Variants in ZNF420 observed in about 807,000 individuals in gnomAD.
The protein encoded by ZNF420 is ATM and p53-associated KZNF protein.
ZNF420 carries 31 observed loss-of-function variants against 44.7 expected under a neutral mutation model. That is an observed-to-expected ratio of 0.69 (90% CI 0.52 to 0.94). The LOEUF (loss-of-function observed/expected upper bound fraction) is 0.94. Among genes scored for constraint, ZNF420 ranks in the 40% least tolerant of loss-of-function variants. The probability of loss-of-function intolerance (pLI) is 0.00; values close to 1 mark genes in which losing one functional copy is unlikely to be tolerated. For synonymous variants in ZNF420, 245 were observed against 267.4 expected, an observed-to-expected ratio of 0.92 and a Z score of 0.82; for missense variants, 681 against 827.9, an observed-to-expected ratio of 0.82 and a Z score of 2.18.
intron 1 of ZNF420, among the ~76,000 whole-genome samples, chr19:37,050,748 C>T (rs191442762): frequency 1.4e-4 from 21 of 152,268 alleles, no homozygotes; most frequent in African/African-American, 3.6e-4. Context: ...CTTCCAACAC[C>T]ATGTTGAATA....
chr19:37,119,493 G>C (rs1280426330), intron 4 of ZNF420, among the ~76,000 whole-genome samples: 1 of 152,150 alleles, frequency 6.6e-6, no homozygotes, highest in African/African-American at 2.4e-5. Flanking sequence ...GAAATATATA[G>C]CACTAAGTGT....
intron 1 of ZNF420, among the ~76,000 whole-genome samples, chr19:37,009,084 G>A (rs1268049575): frequency 6.6e-6 from 1 of 152,184 alleles, no homozygotes; most frequent in African/African-American, 2.4e-5. Flanking sequence ...TTGGCTTCAA[G>A]AGAGGCGGTG....
intron 4 of ZNF420, among the ~76,000 whole-genome samples, chr19:37,111,068 T>A (rs1970363675): frequency 6.6e-6 from 1 of 152,196 alleles, no homozygotes; most frequent in South Asian, 2.1e-4. Flanking sequence ...TTAATGTAGC[T>A]ATTTGAGCCA....
intron 1 of ZNF420, among the ~76,000 whole-genome samples, chr19:37,072,929 AC>A (rs1055871106): frequency 2.6e-5 from 4 of 152,266 alleles, no homozygotes; most frequent in African/African-American, 7.2e-5. Flanking sequence ...CATGAAAAAA[AC>A]AGATTACAAA....
At position 37,039,922 on chromosome 19, in the gene ZNF420, G is replaced by T. The variant is rs369167300; in HGVS notation, c.-125+31840G>T. Among the ~76,000 whole-genome samples, 12 of 151,978 alleles carry T rather than the reference G, an allele frequency of 7.9e-5. No individual in the cohort carries two copies. In the East Asian group the frequency reaches 1.4e-3, roughly 17 times the overall value. ...TGTTGTTGTTGTTTGTAGAGACAGGGTTTCACCATGTTGCCCAGGCTGGTC... is the reference window on the plus strand; with the variant it reads ...TGTTGTTGTTGTTTGTAGAGACAGGTTTTCACCATGTTGCCCAGGCTGGTC... On this transcript the variant is annotated intron_variant, in intron 1 of 4. Coordinates refer to the ZNF420 transcript ENST00000587029.
At chr19:37,069,997 C>T (rs142008171) in intron 1 of ZNF420, among the ~76,000 whole-genome samples, 1 of 152,088 alleles carries the variant, frequency 6.6e-6, no homozygotes, top group Non-Finnish European at 1.5e-5. Context: ...TTAATAAAGT[C>T]TCAAATAGAT....
chr19:37,030,625 C>G (rs1427290250), intron 1 of ZNF420, among the ~76,000 whole-genome samples: 1 of 152,206 alleles, frequency 6.6e-6, no homozygotes, highest in Non-Finnish European at 1.5e-5. Context: ...GGGCTGAACA[C>G]AGAAGTTATT....
intron 2 of ZNF420, among the ~76,000 whole-genome samples, chr19:37,081,688 G>C (rs1020512986): frequency 1.4e-5 from 2 of 144,804 alleles, no homozygotes; most frequent in African/African-American, 5.1e-5. Context: ...ACCATGCCCA[G>C]CTAATTTTTG....
chr19:37,018,744 A>G (rs1315022648), intron 1 of ZNF420, among the ~76,000 whole-genome samples: 1 of 151,900 alleles, frequency 6.6e-6, no homozygotes, highest in Non-Finnish European at 1.5e-5. Context: ...ATTTTTTTAT[A>G]TTTTTAGTAG....
At position 37,129,240 on chromosome 19, in the gene ZNF420, A is replaced by C; in HGVS notation, c.*182A>C. On this transcript the variant is annotated 3_prime_UTR_variant, in exon 5 of 5. Coordinates refer to ENST00000337995, the MANE Select transcript of ZNF420 (RefSeq NM_144689.5). ...CATCATTACTGGAAACCTATTAAAC[A>C]TTAGCAAATTGGAGAATAGTTTTAA... 1.4e-6 allele frequency: 1 copy of C among 705,520 alleles called. No homozygotes were observed. Among genetic ancestry groups the C allele is most frequent in the Non-Finnish European group, 2.3e-6 (1 of 439,184 alleles). 43.7% of individuals were successfully genotyped at this position (705,520 alleles called of 1,614,324 possible).
intron 4 of ZNF420, among the ~76,000 whole-genome samples, chr19:37,112,518 T>C (rs552109466): frequency 1.3e-5 from 2 of 152,218 alleles, no homozygotes; most frequent in East Asian, 3.9e-4. Flanking sequence ...GGCCACCGAT[T>C]GAAAGCAATG....
chr19:37,047,607 C>T (rs1302660730), intron 1 of ZNF420, among the ~76,000 whole-genome samples: 12 of 152,214 alleles, frequency 7.9e-5, no homozygotes, highest in Non-Finnish European at 1.3e-4. Context: ...TCTTTGTTGC[C>T]TGTCTAGCAG....
At chr19:37,051,644 A>G (rs1288768359) in intron 1 of ZNF420, among the ~76,000 whole-genome samples, 1 of 151,858 alleles carries the variant, frequency 6.6e-6, no homozygotes, top group African/African-American at 2.4e-5. Flanking sequence ...CAGTCTATCA[A>G]TTTTGTTGAT....
intron 3 of ZNF420, among the ~76,000 whole-genome samples, chr19:37,090,311 A>G (rs1027105974): frequency 4.6e-5 from 7 of 151,406 alleles, no homozygotes; most frequent in African/African-American, 1.7e-4. Context: ...CCTGGGCAAC[A>G]TAACAAGACC....
At chr19:37,087,701 A>G (rs1310800994) in intron 2 of ZNF420, among the ~76,000 whole-genome samples, 1 of 152,176 alleles carries the variant, frequency 6.6e-6, no homozygotes, top group Non-Finnish European at 1.5e-5. Flanking sequence ...GCTGGAGTGC[A>G]GTGGCGCGAT....
At chr19:37,073,694 G>A (rs898546151), upstream of ZNF420, among the ~76,000 whole-genome samples, 20 of 147,522 alleles carry the variant, frequency 1.4e-4, no homozygotes, top group African/African-American at 4.8e-4. Context: ...GAGCCGAGCC[G>A]AGATCATGCC....
intron 2 of ZNF420, among the ~76,000 whole-genome samples, chr19:37,087,292 AATAAAT>A (rs1242829529): frequency 2.9e-4 from 21 of 73,512 alleles, no homozygotes; most frequent in African/African-American, 1.2e-3. Flanking sequence ...CAAAAAAAAA[AATAAAT>A]AAATAAATAA....
intron 1 of ZNF420, among the ~76,000 whole-genome samples, chr19:37,037,657 G>A (rs1361247029): frequency 3.9e-5 from 6 of 152,168 alleles, no homozygotes; most frequent in Non-Finnish European, 7.3e-5. Flanking sequence ...AAGACTTTCC[G>A]GAGACTCTCA....
intron 1 of ZNF420, among the ~76,000 whole-genome samples, chr19:37,017,441 A>G (rs2074616061): frequency 6.6e-6 from 1 of 152,216 alleles, no homozygotes; most frequent in Non-Finnish European, 1.5e-5. Context: ...CATACATACA[A>G]TCCTTTTGTA....
Sources: allele counts gnomAD v4.1 joint callset (sites outside exome capture counted in the v4.1 genomes callset), GRCh38; gene constraint gnomAD v4.1.1; transcripts MANE v1.5; gene names NCBI Gene and HGNC (gene_info 2026-07-23, HGNC 2026-07-21).